The following SDC2 variants were observed in gnomAD, a reference collection of about 807,000 sequenced individuals.
SDC2 encodes the protein syndecan-2.
A neutral mutation model predicts 22.2 loss-of-function variants in SDC2; 13 were observed. The observed-to-expected ratio is 0.59, with a 90% CI of 0.38 to 0.93. The LOEUF (loss-of-function observed/expected upper bound fraction) is 0.93, where lower values mean the gene tolerates loss of function less well. Ranked by LOEUF, SDC2 falls within the 40% of genes least tolerant of loss-of-function variation. The pLI is 0.00. For missense variants in SDC2, 235 were observed against 246.8 expected (o/e 0.95, Z 0.32); for synonymous variants, 94 against 92.8 (o/e 1.01, Z -0.07).
chr8:96,557,574 A>G (rs1226352428), intron 1 of SDC2, among the ~76,000 whole-genome samples: 54 of 147,314 alleles, frequency 3.7e-4, no homozygotes, highest in African/African-American at 1.1e-3. Flanking sequence ...GAACTGAACA[A>G]TGAGATCACA....
At chr8:96,583,648 C>T (rs1814631202) in intron 1 of SDC2, among the ~76,000 whole-genome samples, 1 of 143,866 alleles carries the variant, frequency 7.0e-6, no homozygotes, top group Non-Finnish European at 1.5e-5. Context: ...TATTCCCTTT[C>T]AGTGCTTGGC....
At chr8:96,540,443 G>A (rs1376211730) in intron 1 of SDC2, among the ~76,000 whole-genome samples, 3 of 143,652 alleles carry the variant, frequency 2.1e-5, no homozygotes, top group Non-Finnish European at 4.6e-5. Context: ...CTGGGAGGTG[G>A]AGGTTGCAGT....
chr8:96,550,657 G>T (rs1351468551), intron 1 of SDC2, among the ~76,000 whole-genome samples: 1 of 152,130 alleles, frequency 6.6e-6, no homozygotes, highest in Non-Finnish European at 1.5e-5. Context: ...AATAACTTAG[G>T]CAGCCCAAAC....
intron 1 of SDC2, among the ~76,000 whole-genome samples, chr8:96,591,740 A>G (rs893854072): frequency 6.6e-6 from 1 of 152,100 alleles, no homozygotes; most frequent in Non-Finnish European, 1.5e-5. Flanking sequence ...CTCCAGGGGA[A>G]GTAAATGGGA....
chr8:96,565,943 G>C (rs1814293183), intron 1 of SDC2, among the ~76,000 whole-genome samples: 1 of 152,124 alleles, frequency 6.6e-6, no homozygotes. Context: ...ATGCCACCGA[G>C]AAGACCTGGG....
intron 1 of SDC2, among the ~76,000 whole-genome samples, chr8:96,581,896 G>T (rs1387992350): frequency 1.3e-5 from 2 of 152,166 alleles, no homozygotes; most frequent in Non-Finnish European, 2.9e-5. Flanking sequence ...GTCTTCTTCA[G>T]AGAAAGTACT....
chr8:96,497,620 A>G (rs1187909331), intron 1 of SDC2, among the ~76,000 whole-genome samples: 1 of 152,222 alleles, frequency 6.6e-6, no homozygotes, highest in South Asian at 2.1e-4. Flanking sequence ...TCAAGTCTCC[A>G]AAAGCCCCCA....
chr8:96,538,137 T>A (rs550866197), intron 1 of SDC2, among the ~76,000 whole-genome samples: 239 of 152,246 alleles, frequency 1.6e-3, no homozygotes, highest in African/African-American at 5.6e-3. Flanking sequence ...TAATTTTTTA[T>A]TTTTAGTAGA....
chr8:96,528,816 A>G (rs1217957432), intron 1 of SDC2, among the ~76,000 whole-genome samples: 1 of 152,230 alleles, frequency 6.6e-6, no homozygotes, highest in Admixed American at 6.5e-5. Context: ...ATGATCCTTA[A>G]TATCCCAGAA....
intron 1 of SDC2, among the ~76,000 whole-genome samples, chr8:96,585,418 G>C (rs1370468202): frequency 6.6e-6 from 1 of 152,164 alleles, no homozygotes; most frequent in Non-Finnish European, 1.5e-5. Flanking sequence ...GATGACATGA[G>C]TTTGTAGAAT....
At chr8:96,558,247 A>G (rs376840457) in intron 1 of SDC2, among the ~76,000 whole-genome samples, 5 of 151,652 alleles carry the variant, frequency 3.3e-5, no homozygotes, top group African/African-American at 1.2e-4. Context: ...GGGAAAGGAG[A>G]GGGGGTTGGG....
At chr8:96,597,210 GTTGTC>G (rs1814892456) in intron 2 of SDC2, among the ~76,000 whole-genome samples, 1 of 152,182 alleles carries the variant, frequency 6.6e-6, no homozygotes, top group Non-Finnish European at 1.5e-5. Flanking sequence ...GTGATCCCAA[GTTGTC>G]TTGTCTTCTC....
chr8:96,554,474 C>T (rs1328559709), intron 1 of SDC2, among the ~76,000 whole-genome samples: 1 of 151,966 alleles, frequency 6.6e-6, no homozygotes, highest in Non-Finnish European at 1.5e-5. Context: ...TATGTTCCAG[C>T]ATTTAGTTAA....
In SDC2 at chr8:96,593,589, C is replaced by T. The variant is rs759218423; in HGVS notation, c.170C>T (p.Ser57Leu). 6 of 1,603,120 alleles carry T rather than the reference C, an allele frequency of 3.7e-6. No individual in the cohort carries two copies. Among genetic ancestry groups the T allele is most frequent in the East Asian group, 4.5e-5 (2 of 44,832 alleles). Residue 57 changes from serine (S) to leucine (L), a missense_variant and splice_region_variant, in exon 2 of 5, where the codon TCG (serine) becomes TTG (leucine). Coordinates refer to ENST00000302190, the MANE Select transcript of SDC2 (RefSeq NM_002998.4). The stretch of plus-strand genomic sequence containing the variant: ...GATGACTACGCTTCTGCGTCTGGCT[C>T]GGGTAAGGTGGCTGCTTCTAAACAC... ...DDDDYASASGSGADEDVESPE... is the reference protein window; with the variant it reads ...DDDDYASASGLGADEDVESPE...
chr8:96,579,171 G>C (rs1814552628), intron 1 of SDC2, among the ~76,000 whole-genome samples: 1 of 152,182 alleles, frequency 6.6e-6, no homozygotes, highest in Non-Finnish European at 1.5e-5. Flanking sequence ...AGTCTACTTA[G>C]ATTTCAATTC....
intron 3 of SDC2, among the ~76,000 whole-genome samples, chr8:96,603,060 T>C (rs1815020505): frequency 6.6e-6 from 1 of 152,166 alleles, no homozygotes; most frequent in Admixed American, 6.6e-5. Flanking sequence ...AGCTGACTTA[T>C]TAAGAATAAG....
At chr8:96,576,183 C>A (rs1814486718) in intron 1 of SDC2, among the ~76,000 whole-genome samples, 1 of 151,854 alleles carries the variant, frequency 6.6e-6, no homozygotes, top group Non-Finnish European at 1.5e-5. Flanking sequence ...CATTCTTGTA[C>A]CTGGTATGAA....
chr8:96,512,220 C>T (rs1197535916), intron 1 of SDC2, among the ~76,000 whole-genome samples: 1 of 152,172 alleles, frequency 6.6e-6, no homozygotes, highest in Non-Finnish European at 1.5e-5. Flanking sequence ...ACATGGGTGG[C>T]CACGTGCCCA....
intron 1 of SDC2, among the ~76,000 whole-genome samples, chr8:96,551,615 C>T (rs898721453): frequency 6.6e-6 from 1 of 152,176 alleles, no homozygotes; most frequent in Non-Finnish European, 1.5e-5. Flanking sequence ...ACCTGTCATG[C>T]CTCTCATCAC....
Sources: gnomAD v4.1 joint callset for allele counts (sites outside exome capture counted in the v4.1 genomes callset) on GRCh38, gnomAD v4.1.1 for gene constraint, MANE v1.5 for transcripts, NCBI Gene and HGNC (gene_info 2026-07-23, HGNC 2026-07-21) for gene names.